The following EYA4 variants were observed in gnomAD, a reference collection of about 807,000 sequenced individuals.
The protein encoded by EYA4 is protein phosphatase EYA4.
Under a neutral mutation model 87.9 loss-of-function variants are expected in EYA4, and 31 were observed. The ratio of observed to expected loss-of-function variants is 0.35; its 90% CI spans 0.27 to 0.48. The LOEUF is 0.48. Among genes scored for constraint, EYA4 ranks in the 20% least tolerant of loss-of-function variants. The pLI, the probability that EYA4 is intolerant of heterozygous loss-of-function variation, is 0.99. For missense variants in EYA4, 678 were observed against 761.4 expected (o/e 0.89, Z 1.29); for synonymous variants, 263 against 270.6 (o/e 0.97, Z 0.28).
intron 2 of EYA4, among the ~76,000 whole-genome samples, chr6:133,276,852 G>C (rs1362745676): frequency 6.7e-6 from 1 of 150,264 alleles, no homozygotes; most frequent in Non-Finnish European, 1.5e-5. Context: ...TAACATCGAC[G>C]TGCCTCATTG....
At chr6:133,258,162 A>G (rs1466705431) in intron 1 of EYA4, among the ~76,000 whole-genome samples, 1 of 152,164 alleles carries the variant, frequency 6.6e-6, no homozygotes, top group African/African-American at 2.4e-5. Flanking sequence ...GTGCTTGAAC[A>G]AGAACTTGGC....
At chr6:133,391,775 G>A (rs1787317307) in intron 3 of EYA4, among the ~76,000 whole-genome samples, 1 of 152,062 alleles carries the variant, frequency 6.6e-6, no homozygotes, top group African/African-American at 2.4e-5. Flanking sequence ...TCAAGCAAAG[G>A]TTGAGGGTAG....
At chr6:133,501,579 A>G (rs924944778) in intron 13 of EYA4, among the ~76,000 whole-genome samples, 1 of 152,124 alleles carries the variant, frequency 6.6e-6, no homozygotes, top group Non-Finnish European at 1.5e-5. Context: ...TAAAGAGTAT[A>G]TGTATTCTAA....
chr6:133,337,072 C>T (rs1782421926), intron 2 of EYA4, among the ~76,000 whole-genome samples: 1 of 152,196 alleles, frequency 6.6e-6, no homozygotes, highest in Non-Finnish European at 1.5e-5. Flanking sequence ...GTTCTGAATA[C>T]ATGCTGTGCT....
chr6:133,402,422 C>T (rs1788346048), intron 3 of EYA4, among the ~76,000 whole-genome samples: 1 of 152,170 alleles, frequency 6.6e-6, no homozygotes, highest in Non-Finnish European at 1.5e-5. Flanking sequence ...AAATACAGCA[C>T]TTACCCTTTT....
intron 3 of EYA4, among the ~76,000 whole-genome samples, chr6:133,382,733 T>G (rs997518411): frequency 3.3e-5 from 5 of 152,124 alleles, no homozygotes; most frequent in African/African-American, 1.2e-4. Flanking sequence ...CTAATTTCTT[T>G]TTATAATGTT....
At chr6:133,498,653 G>T (rs1797838512) in intron 13 of EYA4, among the ~76,000 whole-genome samples, 1 of 152,148 alleles carries the variant, frequency 6.6e-6, no homozygotes, top group African/African-American at 2.4e-5. Flanking sequence ...TACAGAATTT[G>T]CAAGACTCAA....
chr6:133,408,790 T>G (rs211623), intron 3 of EYA4, among the ~76,000 whole-genome samples: 58,311 of 152,074 alleles, frequency 0.38, 14,102 homozygotes, highest in Non-Finnish European at 0.54. Flanking sequence ...ATTCATGGTA[T>G]TCACCAGACA....
intron 17 of EYA4, among the ~76,000 whole-genome samples, chr6:133,517,533 CA>C (rs71742184): frequency 0.2 from 27,043 of 134,302 alleles, 2,895 homozygotes; most frequent in East Asian, 0.43. Flanking sequence ...CCTGACAGGG[CA>C]AAAAAAAAAA....
chr6:133,464,865 T>C lies in EYA4; in HGVS notation c.804+7T>C. On this transcript the variant is annotated splice_region_variant and intron_variant, in intron 10 of 19. Transcript: ENST00000355286. Reference sequence around the variant, plus strand: ...TTTCAGTGGTTCACAACAGGTATAGTAGCTTTTTGTGTTTATGCTTTTTAT... The same window carrying C: ...TTTCAGTGGTTCACAACAGGTATAGCAGCTTTTTGTGTTTATGCTTTTTAT... The C allele has an allele frequency of 1.9e-6, 3 of 1,590,410 alleles. No individual in the cohort carries two copies. Among genetic ancestry groups the C allele is most frequent in the Non-Finnish European group, 2.6e-6 (3 of 1,159,510 alleles).
In EYA4 at chr6:133,456,594, A is replaced by G; in HGVS notation, c.316A>G (p.Ser106Gly). 1.2e-6 allele frequency: 2 copies of G among 1,613,710 alleles called. No homozygotes were observed. Among genetic ancestry groups the G allele is most frequent in the Non-Finnish European group, 8.5e-7 (1 of 1,179,652 alleles). Residue 106 changes from serine to glycine, a missense_variant, in exon 6 of 20, where the codon AGT becomes GGT. Ser to Gly is a moderately conservative substitution (Grantham distance 56, BLOSUM62 0). Transcript: ENST00000355286. ...AGTCAAAACAGAGCCCTTGAACAGC[A>G]GTGAAACCACAGCCACGACTGGAGA... ...LAVKTEPLNS[S>G]ETTATTGDGA...
chr6:133,376,543 A>T (rs1785699154), intron 2 of EYA4, among the ~76,000 whole-genome samples: 1 of 151,974 alleles, frequency 6.6e-6, no homozygotes, highest in African/African-American at 2.4e-5. Context: ...ACTATTCACT[A>T]GAAGATAATT....
At chr6:133,331,844 AC>A (rs1321339640) in intron 2 of EYA4, among the ~76,000 whole-genome samples, 2 of 152,216 alleles carry the variant, frequency 1.3e-5, no homozygotes, top group Non-Finnish European at 2.9e-5. Context: ...TAATTCAGGG[AC>A]AAAAATGTCG....
chr6:133,282,167 A>T (rs1280325639), intron 2 of EYA4, among the ~76,000 whole-genome samples: 2 of 152,142 alleles, frequency 1.3e-5, no homozygotes, highest in Admixed American at 1.3e-4. Flanking sequence ...GAAATCTCCA[A>T]CCTGCTTCAT....
chr6:133,395,077 G>T (rs1787668124), intron 3 of EYA4, among the ~76,000 whole-genome samples: 1 of 152,132 alleles, frequency 6.6e-6, no homozygotes, highest in Non-Finnish European at 1.5e-5. Flanking sequence ...TTTAAAATAT[G>T]CTATTGCTTA....
At chr6:133,498,629 A>G (rs1012975691) in intron 13 of EYA4, among the ~76,000 whole-genome samples, 1 of 152,222 alleles carries the variant, frequency 6.6e-6, no homozygotes, top group South Asian at 2.1e-4. Flanking sequence ...TATATATTAT[A>G]TAAAAGGAAT....
Position 133,529,222 on chromosome 6 carries a change from C to G in EYA4, c.*417C>G. 2 of 1,132,450 alleles carry G rather than the reference C, an allele frequency of 1.8e-6. No individual in the cohort carries two copies. Among genetic ancestry groups the G allele is most frequent in the Non-Finnish European group, 1.1e-6 (1 of 916,402 alleles). The allele number at this position is 1,132,450 out of a possible 1,614,324, so 70.2% of individuals were successfully genotyped here. ...TGAATCTGACTTTAGCCTACCTAACCCAGAAAATCTGAATTGGAATGCACT... is the reference window on the plus strand; with the variant it reads ...TGAATCTGACTTTAGCCTACCTAACGCAGAAAATCTGAATTGGAATGCACT... On this transcript the variant is annotated 3_prime_UTR_variant, in exon 20 of 20. Coordinates refer to ENST00000355286, the MANE Select transcript of EYA4 (RefSeq NM_004100.5).
At chr6:133,457,791 T>C (rs1317040079) in intron 6 of EYA4, among the ~76,000 whole-genome samples, 1 of 152,174 alleles carries the variant, frequency 6.6e-6, no homozygotes, top group Non-Finnish European at 1.5e-5. Context: ...GTAAACTTTC[T>C]GCAAAATAAA....
At chr6:133,503,905 A>C (rs1798358708) in intron 13 of EYA4, among the ~76,000 whole-genome samples, 2 of 152,028 alleles carry the variant, frequency 1.3e-5, no homozygotes, top group South Asian at 4.1e-4. Context: ...TTGAGACACA[A>C]ACTGGCACTT....
Sources: allele counts gnomAD v4.1 joint callset (sites outside exome capture counted in the v4.1 genomes callset), GRCh38; gene constraint gnomAD v4.1.1; transcripts MANE v1.5; gene names NCBI Gene and HGNC (gene_info 2026-07-23, HGNC 2026-07-21).